The following DLC1 variants were observed in gnomAD, a reference collection of about 807,000 sequenced individuals.
DLC1 encodes DLC1 Rho GTPase activating protein.
In DLC1, 54 loss-of-function variants were observed where a neutral mutation model predicts 140.3. The observed-to-expected ratio is 0.38, with a 90% CI of 0.31 to 0.48. DLC1 has a LOEUF of 0.48. Among genes scored for constraint, DLC1 ranks in the 20% least tolerant of loss-of-function variants. DLC1 has a pLI of 0.96. For synonymous variants in DLC1, 986 were observed against 728.1 expected (o/e 1.35, Z -5.70); for missense variants, 2,536 against 1,907.0 (o/e 1.33, Z -6.14).
chr8:13,114,552 T>A (rs538160), intron 6 of DLC1, among the ~76,000 whole-genome samples: 2 of 151,788 alleles, frequency 1.3e-5, no homozygotes, highest in African/African-American at 4.8e-5. Flanking sequence ...TTTTCTCAAT[T>A]GAAAAACTGA....
chr8:13,319,281 A>G (rs1832988062), intron 4 of DLC1, among the ~76,000 whole-genome samples: 1 of 152,204 alleles, frequency 6.6e-6, no homozygotes, highest in Non-Finnish European at 1.5e-5. Flanking sequence ...TATAATTAAG[A>G]TCCCATTTTC....
At chr8:13,550,317 T>C (rs1263304836) in intron 1 of DLC1, among the ~76,000 whole-genome samples, 1 of 152,106 alleles carries the variant, frequency 6.6e-6, no homozygotes, top group East Asian at 1.9e-4. Context: ...GGTCCTTGCT[T>C]CCCCTTTGTC....
chr8:13,130,792 C>A (rs79803738), intron 5 of DLC1, among the ~76,000 whole-genome samples: 10,691 of 152,268 alleles, frequency 0.07, 520 homozygotes, highest in Non-Finnish European at 0.1. Context: ...CCTTTTTGAA[C>A]TTCCAGGCTG....
chr8:13,151,698 C>G (rs1823826760), intron 5 of DLC1, among the ~76,000 whole-genome samples: 1 of 152,140 alleles, frequency 6.6e-6, no homozygotes, highest in Non-Finnish European at 1.5e-5. Flanking sequence ...TCTTTGCACC[C>G]AAGTATTTTT....
intron 4 of DLC1, among the ~76,000 whole-genome samples, chr8:13,363,581 G>A (rs1425693648): frequency 2.0e-5 from 3 of 151,772 alleles, no homozygotes; most frequent in Admixed American, 6.6e-5. Flanking sequence ...GCAAATTATT[G>A]TAAATTGTTT....
At chr8:13,594,281 C>T (rs1450035034) in intron 1 of DLC1, among the ~76,000 whole-genome samples, 2 of 152,098 alleles carry the variant, frequency 1.3e-5, no homozygotes, top group Admixed American at 1.3e-4. Context: ...GAAGTATAGG[C>T]CTTTTTATTG....
intron 14 of DLC1, 81 bp from the exon 15 acceptor site, chr8:13,090,551 A>G: frequency 1.3e-6 from 2 of 1,514,786 alleles, no homozygotes; most frequent in African/African-American, 1.4e-5. Flanking sequence ...AAGACTGGGT[A>G]GGAACAATGG....
At chr8:13,556,730 A>G (rs1053060954) in intron 1 of DLC1, among the ~76,000 whole-genome samples, 1 of 152,234 alleles carries the variant, frequency 6.6e-6, no homozygotes, top group African/African-American at 2.4e-5. Flanking sequence ...AAGGACCTGC[A>G]TCACAGTGAT....
At chr8:13,227,083 T>C (rs1424839634) in intron 5 of DLC1, among the ~76,000 whole-genome samples, 5 of 152,166 alleles carry the variant, frequency 3.3e-5, no homozygotes, top group Non-Finnish European at 5.9e-5. Flanking sequence ...TTATTCTGAA[T>C]TCTGTGCTTG....
At chr8:13,212,058 C>T (rs1710849002) in intron 5 of DLC1, among the ~76,000 whole-genome samples, 1 of 152,072 alleles carries the variant, frequency 6.6e-6, no homozygotes. Context: ...CCCTGATAGA[C>T]AAAACAATGA....
intron 1 of DLC1, among the ~76,000 whole-genome samples, chr8:13,555,743 C>G (rs1349986249): frequency 6.6e-6 from 1 of 151,792 alleles, no homozygotes; most frequent in Non-Finnish European, 1.5e-5. Flanking sequence ...CTCAAGTGAT[C>G]CTCTCCGCTT....
intron 6 of DLC1, 33 bp downstream of exon 6, chr8:13,115,553 G>A (rs768917307): frequency 1.3e-6 from 2 of 1,593,300 alleles, no homozygotes; most frequent in Non-Finnish European, 1.7e-6. Context: ...TTATGATTAT[G>A]CCAACTTTTA....
intron 1 of DLC1, among the ~76,000 whole-genome samples, chr8:13,533,331 T>A (rs1047188001): frequency 5.3e-5 from 8 of 152,156 alleles, no homozygotes; most frequent in Non-Finnish European, 1.2e-4. Context: ...AGACAAAATA[T>A]ATTTGACATG....
chr8:13,508,985 A>T (rs1309144004), intron 1 of DLC1, among the ~76,000 whole-genome samples: 1 of 152,180 alleles, frequency 6.6e-6, no homozygotes, highest in Non-Finnish European at 1.5e-5. Context: ...GAAATTTTTC[A>T]TGTAACAGGA....
chr8:13,099,491 T>C lies in DLC1; in HGVS notation c.2846A>G (p.Gln949Arg). ...SVSPCPSSPKQIHLDVDNDRT... is the reference protein window; with the variant it reads ...SVSPCPSSPKRIHLDVDNDRT... Reference sequence around the variant, plus strand: ...GTCGTTGTCCACATCCAGGTGTATCTGTTTTGGAGAGGACGGGCAGGGAGA... The same window carrying C: ...GTCGTTGTCCACATCCAGGTGTATCCGTTTTGGAGAGGACGGGCAGGGAGA... The change falls in exon 9 of 18, where the codon CAG becomes CGG. Residue 949 changes from glutamine to arginine, a missense_variant. Gln to Arg is a conservative substitution (Grantham distance 43). Transcript: ENST00000276297. 6.2e-7 allele frequency: 1 copy of C among 1,614,142 alleles called. No individual in the cohort carries two copies. Among genetic ancestry groups the C allele is most frequent in the Non-Finnish European group, 8.5e-7 (1 of 1,180,026 alleles).
At chr8:13,213,702 C>A (rs538838103) in intron 5 of DLC1, among the ~76,000 whole-genome samples, 3 of 152,182 alleles carry the variant, frequency 2.0e-5, no homozygotes, top group South Asian at 2.1e-4. Flanking sequence ...ATGGACCCAA[C>A]TGTACAATAA....
intron 5 of DLC1, among the ~76,000 whole-genome samples, chr8:13,300,353 T>A (rs533578282): frequency 1.1e-3 from 165 of 152,270 alleles, no homozygotes; most frequent in Non-Finnish European, 1.2e-3. Context: ...AGGTGATGGG[T>A]TGATAGGTGC....
At chr8:13,462,345 A>G (rs557565331) in intron 2 of DLC1, among the ~76,000 whole-genome samples, 1 of 151,968 alleles carries the variant, frequency 6.6e-6, no homozygotes, top group South Asian at 2.1e-4. Context: ...TTCTTTTGTA[A>G]CTTGGCTGAC....
At chr8:13,157,740 C>T (rs1179408462) in intron 5 of DLC1, among the ~76,000 whole-genome samples, 2 of 152,130 alleles carry the variant, frequency 1.3e-5, no homozygotes, top group Admixed American at 6.5e-5. Flanking sequence ...AATGTAAATC[C>T]TTGGAGATTC....
Sources: gnomAD v4.1 joint callset for allele counts (sites outside exome capture counted in the v4.1 genomes callset) on GRCh38, gnomAD v4.1.1 for gene constraint, MANE v1.5 for transcripts, NCBI Gene and HGNC (gene_info 2026-07-23, HGNC 2026-07-21) for gene names.